Variants in EIF4E3 observed in about 807,000 individuals in gnomAD.
The protein encoded by EIF4E3 is eukaryotic translation initiation factor 4E family member 3.
Under a neutral mutation model 31.7 loss-of-function variants are expected in EIF4E3, and 26 were observed. The observed-to-expected ratio is 0.82, with a 90% CI of 0.60 to 1.14. The LOEUF is 1.14. EIF4E3 is among the 50% of genes most tolerant of loss of function. EIF4E3 has a pLI of 0.00. For missense variants in EIF4E3, 304 were observed against 270.9 expected (o/e 1.12, Z -0.86); for synonymous variants, 128 against 107.7 (o/e 1.19, Z -1.17).
At chr3:71,745,656 G>C (rs1316900110) in intron 1 of EIF4E3, among the ~76,000 whole-genome samples, 1 of 152,164 alleles carries the variant, frequency 6.6e-6, no homozygotes, top group Non-Finnish European at 1.5e-5. Context: ...CACATGAAGA[G>C]ATGCTTAAGG....
chr3:71,726,981 A>G (rs1017972474), upstream of EIF4E3, among the ~76,000 whole-genome samples: 2 of 152,248 alleles, frequency 1.3e-5, no homozygotes, highest in Non-Finnish European at 2.9e-5. Context: ...TAAGCCAATG[A>G]GGAAGATACT....
chr3:71,699,756 T>C, intron 2 of EIF4E3, 48 bp from the exon 3 acceptor site: 1 of 1,485,808 alleles, frequency 6.7e-7, no homozygotes, highest in South Asian at 1.1e-5. Context: ...AGTATTGATT[T>C]ATTATGCTGC....
chr3:71,697,403 T>C (rs557738229), intron 3 of EIF4E3, among the ~76,000 whole-genome samples: 13 of 152,222 alleles, frequency 8.5e-5, no homozygotes, highest in Admixed American at 7.2e-4. Context: ...ACCTCGAGTC[T>C]TTATCATTTC....
intron 1 of EIF4E3, among the ~76,000 whole-genome samples, chr3:71,737,180 T>C (rs1361315216): frequency 2.0e-5 from 3 of 152,190 alleles, no homozygotes; most frequent in African/African-American, 7.2e-5. Context: ...AAACCCTAAG[T>C]CTGCCTGTGC....
chr3:71,748,255 T>G (rs774055756), intron 1 of EIF4E3, among the ~76,000 whole-genome samples: 3 of 152,140 alleles, frequency 2.0e-5, no homozygotes, highest in Non-Finnish European at 4.4e-5. Flanking sequence ...ATTTGAGAGA[T>G]GTGAAACCTG....
chr3:71,727,798 C>CA (rs2049658205), upstream of EIF4E3, among the ~76,000 whole-genome samples: 1 of 152,156 alleles, frequency 6.6e-6, no homozygotes, highest in African/African-American at 2.4e-5. Flanking sequence ...TAAAGCTAGT[C>CA]AAACTGTCAA....
At chr3:71,717,903 T>G (rs1265514263) in intron 1 of EIF4E3, among the ~76,000 whole-genome samples, 1 of 152,242 alleles carries the variant, frequency 6.6e-6, no homozygotes, top group African/African-American at 2.4e-5. Context: ...GTAGTTCATA[T>G]TAACAAGTTA....
chr3:71,726,968 C>T (rs188183137), upstream of EIF4E3, among the ~76,000 whole-genome samples: 7 of 152,272 alleles, frequency 4.6e-5, no homozygotes, highest in Non-Finnish European at 1.0e-4. Flanking sequence ...TTAATCCTTA[C>T]AATAAGCCAA....
intron 2 of EIF4E3, among the ~76,000 whole-genome samples, chr3:71,706,456 C>T (rs1394022348): frequency 6.6e-6 from 1 of 152,116 alleles, no homozygotes; most frequent in South Asian, 2.1e-4. Context: ...CATCTAAACA[C>T]ATATGGGAGG....
chr3:71,702,321 C>A (rs1042763738), intron 2 of EIF4E3, among the ~76,000 whole-genome samples: 2 of 152,182 alleles, frequency 1.3e-5, no homozygotes, highest in Non-Finnish European at 2.9e-5. Flanking sequence ...AAAACCCCTG[C>A]CTAAGGTAAA....
chr3:71,668,277 G>A, the EIF4E3 span, among the ~76,000 whole-genome samples: 4 of 152,098 alleles, frequency 2.6e-5, no homozygotes, highest in Non-Finnish European at 4.4e-5. Context: ...AGATGTAAAC[G>A]TAAGACCTAA....
At chr3:71,726,612 C>T (rs1013751916), upstream of EIF4E3, among the ~76,000 whole-genome samples, 4 of 152,170 alleles carry the variant, frequency 2.6e-5, no homozygotes, top group African/African-American at 7.2e-5. Context: ...CTTGAGCATT[C>T]GCTGGGATGG....
chr3:71,710,273 G>C (rs2049356068), intron 2 of EIF4E3, 139 bp downstream of exon 2: 2 of 922,032 alleles, frequency 2.2e-6, no homozygotes, highest in African/African-American at 1.6e-5. Flanking sequence ...AAGGGCAGCT[G>C]TGCCAACCTG....
chr3:71,669,426 C>T, the EIF4E3 span, among the ~76,000 whole-genome samples: 12 of 152,098 alleles, frequency 7.9e-5, no homozygotes, highest in South Asian at 2.1e-4. Flanking sequence ...AAACAGGAGC[C>T]GCTTTCAAAA....
chr3:71,697,982 C>A (rs1161781759), intron 3 of EIF4E3, among the ~76,000 whole-genome samples: 1 of 152,174 alleles, frequency 6.6e-6, no homozygotes, highest in Non-Finnish European at 1.5e-5. Context: ...TTTTGAGGAA[C>A]CTCCATACTG....
At position 71,684,695 on chromosome 3, in the gene EIF4E3, C is replaced by G; in HGVS notation, c.662G>C (p.Arg221Pro). 6.2e-7 allele frequency: 1 copy of G among 1,613,514 alleles called. No individual in the cohort carries two copies. Among genetic ancestry groups the G allele is most frequent in the Non-Finnish European group, 8.5e-7 (1 of 1,179,868 alleles). ...HEEHHAFEGG[R>P]GKH ...TACAGAGTGCAATTAGTGTTTTCCA[C>G]GTCCACCTTCAAAAGCATGATGCTC... Residue 221 changes from arginine to proline, a missense_variant, in exon 7 of 7, where the codon CGT (arginine) becomes CCT (proline). By Grantham distance (103) the Arg-to-Pro change is moderately radical (BLOSUM62 -2). Coordinates refer to ENST00000425534, the MANE Select transcript of EIF4E3 (RefSeq NM_001134651.2).
rs1203652811 is a variant in EIF4E3, at chr3:71,748,866, C to G, written c.-291+4597G>C. 1.6e-4 allele frequency among the ~76,000 whole-genome samples: 24 copies of G among 152,114 alleles called. No individual in the cohort carries two copies. In the East Asian group the frequency reaches 1.9e-3, roughly 12 times the overall value. ...CCACCAGCAAGACAAAATGGCAACA[C>G]AGAGTCAGAAATTAGGTTTCTAGGA... On this transcript the variant is annotated intron_variant, in intron 1 of 7. Coordinates refer to the EIF4E3 transcript ENST00000295612.
At chr3:71,688,960 C>T (rs1387569827) in intron 6 of EIF4E3, among the ~76,000 whole-genome samples, 1 of 152,112 alleles carries the variant, frequency 6.6e-6, no homozygotes, top group Non-Finnish European at 1.5e-5. Context: ...GTTAATATCC[C>T]CTGTCATACT....
chr3:71,675,099 A>G (rs545988815), downstream of EIF4E3, among the ~76,000 whole-genome samples: 23 of 152,274 alleles, frequency 1.5e-4, no homozygotes, highest in African/African-American at 5.5e-4. Context: ...AGAACACCTA[A>G]CATTCTGGTC....
Sources: gnomAD v4.1 joint callset for allele counts (sites outside exome capture counted in the v4.1 genomes callset) on GRCh38, gnomAD v4.1.1 for gene constraint, MANE v1.5 for transcripts, NCBI Gene and HGNC (gene_info 2026-07-23, HGNC 2026-07-21) for gene names.